Variants in RBMS1 observed in about 807,000 individuals in gnomAD.
The protein encoded by RBMS1 is RNA binding motif single stranded interacting protein 1.
A neutral mutation model predicts 62.3 loss-of-function variants in RBMS1; 17 were observed. The observed-to-expected ratio is 0.27, with a 90% CI of 0.19 to 0.41. The LOEUF (loss-of-function observed/expected upper bound fraction) is 0.41, where lower values mean the gene tolerates loss of function less well. RBMS1 is among the 10% of genes least tolerant of loss of function. RBMS1 has a pLI of 1.00. For synonymous variants in RBMS1, 172 were observed against 170.0 expected (o/e 1.01, Z -0.09); for missense variants, 334 against 504.5 (o/e 0.66, Z 3.24).
At chr2:160,468,450 A>G (rs571842092) in intron 1 of RBMS1, among the ~76,000 whole-genome samples, 1 of 152,242 alleles carries the variant, frequency 6.6e-6, no homozygotes, top group Non-Finnish European at 1.5e-5. Flanking sequence ...AATCTTGAGT[A>G]GGCGTTTTTA....
chr2:160,353,065 A>T (rs1382203670), intron 2 of RBMS1, among the ~76,000 whole-genome samples: 3 of 152,154 alleles, frequency 2.0e-5, no homozygotes, highest in Non-Finnish European at 4.4e-5. Context: ...CATACAACCA[A>T]AACAAAATAC....
At chr2:160,443,233 A>C (rs1048110715) in intron 1 of RBMS1, among the ~76,000 whole-genome samples, 33 of 151,750 alleles carry the variant, frequency 2.2e-4, no homozygotes, top group Admixed American at 5.3e-4. Flanking sequence ...CAAAAAAAAA[A>C]ACCTTGACTT....
At chr2:160,318,071 A>G in intron 3 of RBMS1, 98 bp downstream of exon 3, 1 of 1,511,936 alleles carries the variant, frequency 6.6e-7, no homozygotes, top group Non-Finnish European at 8.9e-7. Flanking sequence ...TCTGGTTTTT[A>G]ATAAAACGAA....
intron 1 of RBMS1, among the ~76,000 whole-genome samples, chr2:160,485,754 A>T (rs1034995905): frequency 2.0e-5 from 3 of 151,922 alleles, no homozygotes; most frequent in Non-Finnish European, 4.4e-5. Context: ...GAAGTATACA[A>T]ATGATCATAT....
intron 2 of RBMS1, among the ~76,000 whole-genome samples, chr2:160,343,947 T>C (rs1466932195): frequency 1.3e-5 from 2 of 152,182 alleles, no homozygotes; most frequent in Non-Finnish European, 2.9e-5. Flanking sequence ...AAATATGTTT[T>C]AAATAAACAT....
intron 1 of RBMS1, among the ~76,000 whole-genome samples, chr2:160,391,969 A>G (rs1439001917): frequency 6.6e-6 from 1 of 152,208 alleles, no homozygotes; most frequent in African/African-American, 2.4e-5. Context: ...CCAAAAAAAA[A>G]AACCAAATTA....
chr2:160,331,717 C>T (rs1691284102), intron 2 of RBMS1, among the ~76,000 whole-genome samples: 1 of 152,148 alleles, frequency 6.6e-6, no homozygotes, highest in South Asian at 2.1e-4. Flanking sequence ...GCACCATAAA[C>T]AAAGAGCTAG....
At chr2:160,359,047 T>C (rs1156516502) in intron 2 of RBMS1, among the ~76,000 whole-genome samples, 1 of 152,082 alleles carries the variant, frequency 6.6e-6, no homozygotes, top group Non-Finnish European at 1.5e-5. Context: ...AAAGAAAAAA[T>C]CATCTGTGGA....
At chr2:160,440,517 A>G (rs1014296414) in intron 1 of RBMS1, among the ~76,000 whole-genome samples, 3 of 152,126 alleles carry the variant, frequency 2.0e-5, no homozygotes, top group African/African-American at 7.2e-5. Flanking sequence ...TGGATGAGGC[A>G]TGAGGGTCGC....
chr2:160,278,420 T>TG, intron 11 of RBMS1, 128 bp downstream of exon 11: 5 of 755,282 alleles, frequency 6.6e-6, no homozygotes, highest in South Asian at 3.2e-5. Flanking sequence ...GAAGGTCATG[T>TG]GGGGGGAAGA....
intron 1 of RBMS1, among the ~76,000 whole-genome samples, chr2:160,448,757 C>T (rs1235550186): frequency 6.6e-6 from 1 of 151,944 alleles, no homozygotes; most frequent in African/African-American, 2.4e-5. Context: ...GGCCGCCCAT[C>T]GTCTGGGATG....
At chr2:160,460,099 C>T (rs1285053128) in intron 1 of RBMS1, among the ~76,000 whole-genome samples, 1 of 152,214 alleles carries the variant, frequency 6.6e-6, no homozygotes, top group African/African-American at 2.4e-5. Flanking sequence ...GGTGATGGCT[C>T]CACTCCTCCC....
At chr2:160,403,274 CT>C (rs1395922954) in intron 1 of RBMS1, among the ~76,000 whole-genome samples, 5 of 152,212 alleles carry the variant, frequency 3.3e-5, no homozygotes, top group African/African-American at 1.2e-4. Flanking sequence ...CTACTCTCCA[CT>C]AAACCTCCAA....
intron 2 of RBMS1, among the ~76,000 whole-genome samples, chr2:160,344,508 T>C (rs1402066164): frequency 6.6e-6 from 1 of 152,186 alleles, no homozygotes; most frequent in African/African-American, 2.4e-5. Context: ...TGTTTCATTC[T>C]TAATGAACAC....
chr2:160,316,651 T>C (rs1690239415), intron 3 of RBMS1, among the ~76,000 whole-genome samples: 1 of 152,176 alleles, frequency 6.6e-6, no homozygotes, highest in Non-Finnish European at 1.5e-5. Flanking sequence ...AATAGTGTGG[T>C]TTTCAGTTCA....
At chr2:160,402,138 TAAC>T (rs60400069) in intron 1 of RBMS1, 8 of 151,342 alleles carry the variant, frequency 5.3e-5, no homozygotes, top group African/African-American at 1.9e-4. Context: ...TTAGAAGGAT[TAAC>T]AACTACCCTG....
rs1688098011 is a variant in RBMS1 at position 160,281,362 on chromosome 2, C to T, written c.903G>A (p.Val301=). The change falls in exon 10 of 14, where the codon GTG becomes GTA. Residue 301 remains valine, a splice_region_variant and synonymous_variant. Transcript: ENST00000348849. ...YIASPVSAYQ[V]QSPSWMQPQP... ...GAGGTTGCATCCACGAAGGACTTTG[C>T]ACCTAGAAAAGGGAGGATTTTGAAA... The T allele has an allele frequency of 3.7e-6, 6 of 1,607,064 alleles. No homozygotes were observed. Among genetic ancestry groups the T allele is most frequent in the Non-Finnish European group, 3.4e-6 (4 of 1,175,232 alleles).
In RBMS1 at chr2:160,412,943, C is replaced by G. The variant is rs529331166; in HGVS notation, c.76-45552G>C. On this transcript the variant is annotated intron_variant, in intron 1 of 13. Transcript: ENST00000348849. Reference sequence around the variant, plus strand: ...ACCCTAATACACATATTACCGAGCCCCACATAAAAGAGTAAGCTTTGAATG... The same window carrying G: ...ACCCTAATACACATATTACCGAGCCGCACATAAAAGAGTAAGCTTTGAATG... Among the ~76,000 whole-genome samples the G allele has an allele frequency of 2.6e-3, 397 of 152,180 alleles. 1 individual carries two copies. Among genetic ancestry groups the G allele is most frequent in the Middle Eastern group, 6.8e-3 (2 of 292 alleles).
intron 1 of RBMS1, among the ~76,000 whole-genome samples, chr2:160,373,214 C>T (rs977813844): frequency 2.0e-5 from 3 of 152,048 alleles, no homozygotes; most frequent in Non-Finnish European, 2.9e-5. Context: ...ATAAAAATTC[C>T]CAATATGTTT....
Sources: allele counts gnomAD v4.1 joint callset (sites outside exome capture counted in the v4.1 genomes callset), GRCh38; gene constraint gnomAD v4.1.1; transcripts MANE v1.5; gene names NCBI Gene and HGNC (gene_info 2026-07-23, HGNC 2026-07-21).